Variants in DLEC1 observed in about 807,000 individuals in gnomAD.
The protein encoded by DLEC1 is deleted in lung and esophageal cancer protein 1.
A neutral mutation model predicts 198.1 loss-of-function variants in DLEC1; 146 were observed. The ratio of observed to expected loss-of-function variants is 0.74; its 90% confidence interval spans 0.64 to 0.85. The LOEUF (loss-of-function observed/expected upper bound fraction) is 0.85, where lower values mean the gene tolerates loss of function less well. Among genes scored for constraint, DLEC1 ranks in the 40% least tolerant of loss-of-function variants. The pLI is 0.00. For missense variants in DLEC1, 2,233 were observed against 2,220.0 expected (o/e 1.01, Z -0.12); for synonymous variants, 897 against 866.8 (o/e 1.03, Z -0.61).
intron 19 of DLEC1, among the ~76,000 whole-genome samples, chr3:38,106,755 CAA>C (rs4019982): frequency 2.1e-4 from 8 of 38,964 alleles, no homozygotes; most frequent in Non-Finnish European, 3.7e-4. Context: ...GACTCTATCT[CAA>C]AAAAAAAAAA....
At chr3:38,095,846 G>C in intron 13 of DLEC1, 42 bp from the exon 14 acceptor site, 3 of 1,611,972 alleles carry the variant, frequency 1.9e-6, no homozygotes, top group Non-Finnish European at 2.5e-6. Flanking sequence ...ACAACCTGCT[G>C]GAACGCAGTG....
rs1018603236 is a variant in DLEC1 at position 38,118,170 on chromosome 3, G to A, written c.4704+146G>A. 5 of 888,108 alleles carry A rather than the reference G, an allele frequency of 5.6e-6. No individual in the cohort carries two copies. In the African/African-American group the frequency reaches 8.4e-5, roughly 15 times the overall value. The allele number at this position is 888,108 out of a possible 1,614,324, so 55.0% of individuals were successfully genotyped here. On this transcript the variant is annotated intron_variant, in intron 33 of 36. Transcript: ENST00000308059. ...CCATACCCTGCATGAACACTCGGGGGTGCACTCCCACCAGAGACACCACAT... is the reference window on the plus strand; with the variant it reads ...CCATACCCTGCATGAACACTCGGGGATGCACTCCCACCAGAGACACCACAT...
In DLEC1 at chr3:38,105,342, G is replaced by A. The variant is rs535991537; in HGVS notation, c.2865-2242G>A. 2.9e-4 allele frequency among the ~76,000 whole-genome samples: 44 copies of A among 152,142 alleles called. 1 individual carries two copies. In the South Asian group the frequency reaches 8.9e-3, roughly 31 times the overall value. On this transcript the variant is annotated intron_variant, in intron 19 of 36. Coordinates refer to ENST00000308059, the MANE Select transcript of DLEC1 (RefSeq NM_007335.4). ...TTCAATGTTTATCTTCTGGTTAGTT[G>A]TTTTTCCATTATTAAAAATGGGCTG...
At chr3:38,120,370 G>A (rs1419432724) in intron 33 of DLEC1, 78 bp from the exon 34 acceptor site, 1 of 1,547,006 alleles carries the variant, frequency 6.5e-7, no homozygotes, top group Non-Finnish European at 8.9e-7. Context: ...TGGGAGGAAA[G>A]GAGGATGGAG....
intron 6 of DLEC1, among the ~76,000 whole-genome samples, chr3:38,082,776 T>G (rs1156849841): frequency 6.6e-6 from 1 of 151,850 alleles, no homozygotes; most frequent in Non-Finnish European, 1.5e-5. Flanking sequence ...TTGGGGTACT[T>G]GCCCCTCCCC....
intron 19 of DLEC1, among the ~76,000 whole-genome samples, chr3:38,105,223 T>C (rs899727665): frequency 1.3e-5 from 2 of 152,184 alleles, no homozygotes; most frequent in African/African-American, 4.8e-5. Context: ...TGGAGAATAT[T>C]CCTTGTGCAC....
chr3:38,074,010 C>T (rs555358724), intron 6 of DLEC1, among the ~76,000 whole-genome samples: 13 of 152,254 alleles, frequency 8.5e-5, no homozygotes, highest in South Asian at 6.2e-4. Flanking sequence ...GGCTGCTGGG[C>T]GAGCTGGGCA....
intron 5 of DLEC1, among the ~76,000 whole-genome samples, chr3:38,063,108 T>TAACA (rs1255393996): frequency 1.3e-5 from 2 of 152,204 alleles, no homozygotes; most frequent in Non-Finnish European, 2.9e-5. Context: ...TCTTGAGTAA[T>TAACA]AACAGCATTT....
At chr3:38,068,238 C>CT (rs1489851952) in intron 6 of DLEC1, among the ~76,000 whole-genome samples, 32 of 150,484 alleles carry the variant, frequency 2.1e-4, no homozygotes, top group Non-Finnish European at 2.8e-4. Flanking sequence ...TTTTTAAAAC[C>CT]TTTTTTTTTG....
At chr3:38,108,583 C>G (rs1699693349) in intron 21 of DLEC1, 68 bp downstream of exon 21, 5 of 1,262,654 alleles carry the variant, frequency 4.0e-6, no homozygotes, top group Non-Finnish European at 5.7e-6. Flanking sequence ...ACCTGTGCCA[C>G]CAGGGAGGCC....
intron 6 of DLEC1, 151 bp downstream of exon 6, chr3:38,064,070 G>A: frequency 3.5e-6 from 2 of 568,426 alleles, no homozygotes; most frequent in Admixed American, 7.6e-5. Context: ...AGGGGGATTT[G>A]GCAGGGTCTA....
Position 38,121,700 on chromosome 3 carries a change from T to G in DLEC1, c.4939T>G (p.Cys1647Gly), listed in dbSNP as rs756609310. ...LSTSWVDFGT[C>G]FVSQQRVREV... ...CACCAGCTGGGTGGACTTTGGGACC[T>G]GCTTTGTGAGCCAGCAGCGAGTCCG... is the stretch of plus-strand genomic sequence containing the variant. The change falls in exon 35 of 37, where the codon TGC becomes GGC. Residue 1647 changes from cysteine to glycine, a missense_variant. By Grantham distance (159) the Cys-to-Gly change is radical (BLOSUM62 -3). Coordinates refer to ENST00000308059, the MANE Select transcript of DLEC1 (RefSeq NM_007335.4). The G allele has an allele frequency of 6.2e-7, 1 of 1,614,078 alleles. No homozygotes were observed. Among genetic ancestry groups the G allele is most frequent in the Non-Finnish European group, 8.5e-7 (1 of 1,179,972 alleles).
In DLEC1 at chr3:38,100,287, T is replaced by G. The variant is rs747374247; in HGVS notation, c.2726T>G (p.Val909Gly). The change falls in exon 19 of 37, where the codon GTG becomes GGG. Residue 909 changes from valine (V) to glycine (G), a missense_variant and splice_region_variant. Physicochemically the swap from Val to Gly is moderately radical, Grantham distance 109. Coordinates refer to ENST00000308059, the MANE Select transcript of DLEC1 (RefSeq NM_007335.4). ...CCTCCTGAGTGTTCTCCGGGGCAGGTGTCTCCCTTCGACATTGAGCCTTCG... is the reference window on the plus strand; with the variant it reads ...CCTCCTGAGTGTTCTCCGGGGCAGGGGTCTCCCTTCGACATTGAGCCTTCG... ...PVSLQERPEDVSPFDIEPSSG... is the reference protein window; with the variant it reads ...PVSLQERPEDGSPFDIEPSSG... The G allele has an allele frequency of 1.2e-6, 2 of 1,608,556 alleles. No homozygotes were observed. The highest frequency in any genetic ancestry group is 1.7e-6 in the Non-Finnish European group (2 of 1,177,974).
At chr3:38,122,045 T>G (rs781421808) in intron 35 of DLEC1, 26 bp from the exon 36 acceptor site, 1 of 1,612,034 alleles carries the variant, frequency 6.2e-7, no homozygotes, top group Non-Finnish European at 8.5e-7. Flanking sequence ...CCTGCACTCA[T>G]GTGTCTTCCC....
intron 2 of DLEC1, among the ~76,000 whole-genome samples, chr3:38,053,712 A>G (rs1701268086): frequency 6.6e-6 from 1 of 152,246 alleles, no homozygotes; most frequent in Non-Finnish European, 1.5e-5. Context: ...CAGCTCATTG[A>G]GAACGGGCCA....
At position 38,120,436 on chromosome 3, in the gene DLEC1, A is replaced by C. The variant is rs770646647; in HGVS notation, c.4705-12A>C. On this transcript the variant is annotated splice_polypyrimidine_tract_variant and intron_variant, in intron 33 of 36. Transcript: ENST00000308059. Reference sequence around the variant, plus strand: ...TGCAGCCGGAGTTGACACCATGTCCACATCTGCTCAGGTGAACGTGTCCTT... The same window carrying C: ...TGCAGCCGGAGTTGACACCATGTCCCCATCTGCTCAGGTGAACGTGTCCTT... 1 of 1,614,068 alleles carries C rather than the reference A, an allele frequency of 6.2e-7. No homozygotes were observed. The highest frequency in any genetic ancestry group is 8.5e-7 in the Non-Finnish European group (1 of 1,179,928).
intron 6 of DLEC1, among the ~76,000 whole-genome samples, chr3:38,069,762 T>G (rs1415997407): frequency 6.6e-6 from 1 of 152,222 alleles, no homozygotes. Flanking sequence ...CCTTGGTAAT[T>G]GTGACAATAC....
At chr3:38,053,593 G>A (rs1256563174) in intron 2 of DLEC1, among the ~76,000 whole-genome samples, 6 of 144,986 alleles carry the variant, frequency 4.1e-5, no homozygotes, top group South Asian at 2.2e-4. Flanking sequence ...GCCCCCGCCC[G>A]GCCAGCCGCC....
chr3:38,104,317 T>G (rs1699456621), intron 19 of DLEC1, among the ~76,000 whole-genome samples: 1 of 151,762 alleles, frequency 6.6e-6, no homozygotes, highest in Non-Finnish European at 1.5e-5. Context: ...ATTAGCCGGG[T>G]GTGGTGGTGC....
Sources: gnomAD v4.1 joint callset for allele counts (sites outside exome capture counted in the v4.1 genomes callset) on GRCh38, gnomAD v4.1.1 for gene constraint, MANE v1.5 for transcripts, NCBI Gene and HGNC (gene_info 2026-07-23, HGNC 2026-07-21) for gene names.